Variants in SGCZ observed in about 807,000 individuals in gnomAD.
SGCZ encodes the protein sarcoglycan zeta.
SGCZ carries 40 observed loss-of-function variants against 41.3 expected under a neutral mutation model. The ratio of observed to expected loss-of-function variants is 0.97; its 90% CI spans 0.75 to 1.26. The LOEUF is 1.26. Among genes scored for constraint, SGCZ ranks in the 50% most tolerant of loss-of-function variants. The pLI is 0.00. For synonymous variants in SGCZ, 206 were observed against 137.5 expected (o/e 1.50, Z -3.49); for missense variants, 552 against 369.8 (o/e 1.49, Z -4.04).
At chr8:15,175,567 G>A (rs1488222891) in intron 1 of SGCZ, among the ~76,000 whole-genome samples, 2 of 152,028 alleles carry the variant, frequency 1.3e-5, no homozygotes, top group African/African-American at 4.8e-5. Flanking sequence ...GAGAGCATCA[G>A]GAACAGCAAC....
intron 1 of SGCZ, among the ~76,000 whole-genome samples, chr8:15,143,002 A>G (rs1305754619): frequency 6.6e-6 from 1 of 152,226 alleles, no homozygotes; most frequent in Non-Finnish European, 1.5e-5. Flanking sequence ...AGTTTTGAGA[A>G]GGACGTACTG....
intron 5 of SGCZ, among the ~76,000 whole-genome samples, chr8:14,125,192 C>T (rs2117044032): frequency 6.6e-6 from 1 of 152,142 alleles, no homozygotes; most frequent in Non-Finnish European, 1.5e-5. Flanking sequence ...GTAAGAATCA[C>T]TATTGTTGGC....
chr8:14,568,981 T>G (rs1385596661), intron 1 of SGCZ, among the ~76,000 whole-genome samples: 2 of 152,200 alleles, frequency 1.3e-5, no homozygotes, highest in East Asian at 3.8e-4. Flanking sequence ...ATTTTTTTAT[T>G]TGGAAATTGG....
At chr8:14,855,786 A>G (rs1381510011) in intron 1 of SGCZ, among the ~76,000 whole-genome samples, 1 of 152,190 alleles carries the variant, frequency 6.6e-6, no homozygotes, top group African/African-American at 2.4e-5. Flanking sequence ...TAGTAATGTT[A>G]AATTCCAAAG....
intron 1 of SGCZ, among the ~76,000 whole-genome samples, chr8:14,747,875 A>G (rs2247664): frequency 1 from 144,664 of 145,198 alleles, 72,071 homozygotes; most frequent in Middle Eastern, 1. Context: ...ACCACAACTG[A>G]CTAATTTTTT....
At chr8:14,099,019 C>A (rs1284522903) in intron 7 of SGCZ, among the ~76,000 whole-genome samples, 2 of 152,090 alleles carry the variant, frequency 1.3e-5, no homozygotes, top group Non-Finnish European at 2.9e-5. Flanking sequence ...ATAGCTCCAC[C>A]CATATAAAAA....
At chr8:15,116,364 A>G (rs1323487762) in intron 1 of SGCZ, among the ~76,000 whole-genome samples, 3 of 152,220 alleles carry the variant, frequency 2.0e-5, no homozygotes, top group Admixed American at 6.5e-5. Context: ...AAATAGTCCA[A>G]TGAAACCTAC....
intron 1 of SGCZ, among the ~76,000 whole-genome samples, chr8:15,180,974 G>C (rs778797457): frequency 4.0e-4 from 60 of 151,410 alleles, no homozygotes; most frequent in East Asian, 1.9e-4. Flanking sequence ...ATAAAAAATA[G>C]ATATGCCCAA....
intron 1 of SGCZ, 89 bp downstream of exon 1, chr8:15,237,484 ACCACCAACTACT>A: frequency 7.2e-7 from 1 of 1,391,420 alleles, no homozygotes; most frequent in Non-Finnish European, 9.9e-7. Flanking sequence ...GTCCCGCGGG[ACCACCAACTACT>A]CCGCGCCGCT....
intron 1 of SGCZ, among the ~76,000 whole-genome samples, chr8:14,638,883 G>A (rs541267007): frequency 2.0e-5 from 3 of 151,728 alleles, no homozygotes; most frequent in East Asian, 1.9e-4. Context: ...ATCATGTGTG[G>A]CATTCATCAA....
In SGCZ at chr8:14,680,951, G is replaced by A. The variant is rs1469980939; in HGVS notation, c.40-126025C>T. 5.1e-5 allele frequency among the ~76,000 whole-genome samples: 4 copies of A among 77,958 alleles called. No individual in the cohort carries two copies. The East Asian group carries it at 1.1e-3, about 21-fold the overall frequency. The allele number at this position is 77,958 out of a possible 152,430, so 51.1% of individuals were successfully genotyped here. On this transcript the variant is annotated intron_variant, in intron 1 of 7. Coordinates refer to ENST00000382080, the MANE Select transcript of SGCZ (RefSeq NM_139167.4). ...GAAGAATCCAAATGAAACATACAGA[G>A]GAAAAAGAGTGGGAAAAAAAAAAAA...
At chr8:14,997,586 T>C (rs960349384) in intron 1 of SGCZ, among the ~76,000 whole-genome samples, 2 of 152,224 alleles carry the variant, frequency 1.3e-5, no homozygotes, top group Non-Finnish European at 2.9e-5. Flanking sequence ...TGTAATGATA[T>C]TAATCAAGAA....
intron 1 of SGCZ, among the ~76,000 whole-genome samples, chr8:14,755,461 G>A (rs554045295): frequency 6.6e-6 from 1 of 152,116 alleles, no homozygotes; most frequent in East Asian, 1.9e-4. Context: ...AAACTCCCTT[G>A]TCTACTCACG....
intron 1 of SGCZ, among the ~76,000 whole-genome samples, chr8:14,707,933 G>C (rs756906225): frequency 6.6e-6 from 1 of 151,774 alleles, no homozygotes; most frequent in Non-Finnish European, 1.5e-5. Context: ...TATGATTTGG[G>C]GTTCAGAGAA....
intron 3 of SGCZ, among the ~76,000 whole-genome samples, chr8:14,292,030 G>A (rs566727316): frequency 1.3e-5 from 2 of 152,022 alleles, no homozygotes; most frequent in South Asian, 2.1e-4. Flanking sequence ...ATATTTTACT[G>A]GGCAATGTAA....
intron 4 of SGCZ, among the ~76,000 whole-genome samples, chr8:14,172,683 C>T (rs1192977745): frequency 3.9e-5 from 6 of 152,054 alleles, no homozygotes; most frequent in Admixed American, 3.3e-4. Flanking sequence ...TTCCTAAGGA[C>T]CATTTGCAAA....
chr8:14,449,369 T>C (rs1800525484), intron 2 of SGCZ, among the ~76,000 whole-genome samples: 1 of 152,206 alleles, frequency 6.6e-6, no homozygotes, highest in Non-Finnish European at 1.5e-5. Context: ...ACCATGGCTG[T>C]GGCACATGAC....
chr8:14,658,274 T>C (rs973854920), intron 1 of SGCZ, among the ~76,000 whole-genome samples: 2 of 152,192 alleles, frequency 1.3e-5, no homozygotes, highest in African/African-American at 4.8e-5. Context: ...ATTCAGAAAG[T>C]GTCTACTTCT....
chr8:14,788,191 G>C (rs1800833047), intron 1 of SGCZ, among the ~76,000 whole-genome samples: 1 of 152,094 alleles, frequency 6.6e-6, no homozygotes, highest in South Asian at 2.1e-4. Flanking sequence ...AAAGGACTAA[G>C]TCTTCTATCT....
Sources: gnomAD v4.1 joint callset for allele counts (sites outside exome capture counted in the v4.1 genomes callset) on GRCh38, gnomAD v4.1.1 for gene constraint, MANE v1.5 for transcripts, NCBI Gene and HGNC (gene_info 2026-07-23, HGNC 2026-07-21) for gene names.